CADPS2: variants seen among roughly 807,000 people sequenced by gnomAD.
CADPS2 encodes the protein calcium-dependent secretion activator 2.
A neutral mutation model predicts 172.5 loss-of-function variants in CADPS2; 93 were observed. The ratio of observed to expected loss-of-function variants is 0.54; its 90% confidence interval spans 0.46 to 0.64. The LOEUF is 0.64. Among genes scored for constraint, CADPS2 ranks in the 30% least tolerant of loss-of-function variants. The probability of loss-of-function intolerance (pLI) is 0.00; values close to 1 mark genes in which losing one functional copy is unlikely to be tolerated. For missense variants in CADPS2, 1,420 were observed against 1,565.9 expected (o/e 0.91, Z 1.57); for synonymous variants, 546 against 555.2 (o/e 0.98, Z 0.23).
At chr7:122,690,767 G>T (rs1032803381) in intron 2 of CADPS2, among the ~76,000 whole-genome samples, 2 of 152,148 alleles carry the variant, frequency 1.3e-5, no homozygotes, top group Non-Finnish European at 2.9e-5. Context: ...GATTACTGTA[G>T]GTGTCACCTT....
intron 6 of CADPS2, among the ~76,000 whole-genome samples, chr7:122,601,600 AC>A (rs1186896481): frequency 3.3e-5 from 5 of 152,080 alleles, no homozygotes; most frequent in Non-Finnish European, 7.4e-5. Context: ...CCTTAAAAAA[AC>A]ATTTCTTTAA....
intron 2 of CADPS2, among the ~76,000 whole-genome samples, chr7:122,697,116 G>T (rs544242826): frequency 3.3e-5 from 5 of 152,168 alleles, no homozygotes; most frequent in African/African-American, 1.2e-4. Flanking sequence ...AACAATTATT[G>T]TAAGTAACAC....
At chr7:122,325,106 AC>A (rs1434174923) in intron 29 of CADPS2, among the ~76,000 whole-genome samples, 1 of 152,154 alleles carries the variant, frequency 6.6e-6, no homozygotes, top group African/African-American at 2.4e-5. Flanking sequence ...CAAATATAGT[AC>A]AAAAGCCCTC....
intron 2 of CADPS2, among the ~76,000 whole-genome samples, chr7:122,716,135 ATT>A (rs2136912135): frequency 6.6e-6 from 1 of 152,274 alleles, no homozygotes; most frequent in East Asian, 1.9e-4. Context: ...TACAATTATA[ATT>A]TGTCAATTAA....
intron 1 of CADPS2, among the ~76,000 whole-genome samples, chr7:122,782,727 T>C (rs1290671975): frequency 1.3e-5 from 2 of 152,350 alleles, no homozygotes; most frequent in East Asian, 3.9e-4. Flanking sequence ...AAGTATTTGG[T>C]CATCTGAACC....
At chr7:122,489,227 A>T (rs933124688) in intron 11 of CADPS2, among the ~76,000 whole-genome samples, 2 of 152,188 alleles carry the variant, frequency 1.3e-5, no homozygotes, top group Non-Finnish European at 2.9e-5. Flanking sequence ...TTTGTTTAGG[A>T]TGCCCAGAAA....
intron 4 of CADPS2, among the ~76,000 whole-genome samples, chr7:122,622,818 C>G (rs1178125003): frequency 6.6e-5 from 10 of 152,134 alleles, no homozygotes; most frequent in Admixed American, 6.5e-4. Context: ...TGACATCATT[C>G]AAAATCTAAC....
At chr7:122,767,015 A>G (rs2093572187) in intron 1 of CADPS2, among the ~76,000 whole-genome samples, 1 of 152,190 alleles carries the variant, frequency 6.6e-6, no homozygotes, top group South Asian at 2.1e-4. Context: ...CATGTCTAGC[A>G]CTTATTAAAT....
chr7:122,378,429 G>T (rs1465058000), intron 25 of CADPS2, among the ~76,000 whole-genome samples: 1 of 152,088 alleles, frequency 6.6e-6, no homozygotes, highest in African/African-American at 2.4e-5. Context: ...ATGCTAATTT[G>T]CTAGAGAAAA....
chr7:122,424,204 C>T, intron 17 of CADPS2: 1 of 390,702 alleles, frequency 2.6e-6, no homozygotes, highest in East Asian at 1.6e-4. Context: ...GGGACCAACT[C>T]ATTTAATGAC....
chr7:122,408,564 A>G (rs2046943981), intron 19 of CADPS2, among the ~76,000 whole-genome samples: 1 of 152,128 alleles, frequency 6.6e-6, no homozygotes, highest in Admixed American at 6.5e-5. Flanking sequence ...AGCTGGGACC[A>G]CAGATGTATG....
chr7:122,350,468 T>C (rs1585182633), intron 27 of CADPS2, among the ~76,000 whole-genome samples: 2 of 152,158 alleles, frequency 1.3e-5, no homozygotes, highest in East Asian at 3.8e-4. Flanking sequence ...TCAAAAGCAT[T>C]TGAAGTAGTT....
intron 3 of CADPS2, among the ~76,000 whole-genome samples, chr7:122,650,206 G>A (rs534829882): frequency 7.3e-5 from 11 of 151,054 alleles, no homozygotes; most frequent in Admixed American, 4.6e-4. Context: ...TACTACGCCC[G>A]GCCAATGAAC....
intron 28 of CADPS2, chr7:122,330,856 A>G (rs1340071178): frequency 1.3e-5 from 2 of 152,164 alleles, no homozygotes; most frequent in African/African-American, 4.8e-5. Flanking sequence ...CATTTATGCT[A>G]CTATTTGCTG....
At chr7:122,386,532 T>C (rs1475272883) in intron 24 of CADPS2, among the ~76,000 whole-genome samples, 3 of 151,922 alleles carry the variant, frequency 2.0e-5, no homozygotes, top group Non-Finnish European at 4.4e-5. Context: ...CCAAACAAAA[T>C]ATAAATAAAA....
intron 1 of CADPS2, among the ~76,000 whole-genome samples, chr7:122,760,390 A>T (rs1346614144): frequency 2.0e-5 from 3 of 152,242 alleles, no homozygotes; most frequent in Admixed American, 6.5e-5. Context: ...TTCATTCCTA[A>T]CACATCTCAC....
chr7:122,532,660 C>T (rs977896679), intron 8 of CADPS2, among the ~76,000 whole-genome samples: 1 of 151,528 alleles, frequency 6.6e-6, no homozygotes, highest in Admixed American at 6.6e-5. Context: ...CCAGTATCCA[C>T]ACTTTTGAGA....
intron 25 of CADPS2, among the ~76,000 whole-genome samples, chr7:122,376,469 G>GAC (rs2042370808): frequency 6.6e-6 from 1 of 152,184 alleles, no homozygotes; most frequent in Middle Eastern, 3.4e-3. Flanking sequence ...AAATAATTCA[G>GAC]ACACAGAAGA....
intron 1 of CADPS2, among the ~76,000 whole-genome samples, chr7:122,749,955 T>G (rs1353779754): frequency 7.0e-6 from 1 of 143,060 alleles, no homozygotes; most frequent in East Asian, 2.0e-4. Flanking sequence ...TGTTCACCTG[T>G]GAGGTTAAAA....
Sources: allele counts gnomAD v4.1 joint callset (sites outside exome capture counted in the v4.1 genomes callset), GRCh38; gene constraint gnomAD v4.1.1; transcripts MANE v1.5; gene names NCBI Gene and HGNC (gene_info 2026-07-23, HGNC 2026-07-21).